Variants in DCHS2 observed in about 807,000 individuals in gnomAD.
DCHS2 encodes the protein protocadherin-23.
Under a neutral mutation model 182.4 loss-of-function variants are expected in DCHS2, and 142 were observed. That is an observed-to-expected ratio of 0.78 (90% CI 0.68 to 0.89). The LOEUF is 0.89. Ranked by LOEUF, DCHS2 falls within the 40% of genes least tolerant of loss-of-function variation. The pLI, the probability that DCHS2 is intolerant of heterozygous loss-of-function variation, is 0.00. For synonymous variants in DCHS2, 1,740 were observed against 1,663.3 expected (o/e 1.05, Z -1.12); for missense variants, 4,319 against 4,198.6 (o/e 1.03, Z -0.79).
intron 3 of DCHS2, among the ~76,000 whole-genome samples, chr4:154,337,942 T>C (rs1342273108): frequency 1.3e-5 from 2 of 152,096 alleles, no homozygotes; most frequent in Admixed American, 1.3e-4. Context: ...GGTTTCACCA[T>C]GTTGGCCAGC....
intron 2 of DCHS2, among the ~76,000 whole-genome samples, chr4:154,368,046 C>T (rs1329516673): frequency 1.3e-5 from 2 of 152,052 alleles, no homozygotes; most frequent in African/African-American, 2.4e-5. Context: ...AGAGCCATGC[C>T]GGGTATCAAT....
At chr4:154,465,860 T>A (rs1176044446) in intron 1 of DCHS2, among the ~76,000 whole-genome samples, 1 of 151,302 alleles carries the variant, frequency 6.6e-6, no homozygotes, top group African/African-American at 2.4e-5. Context: ...AAACACAATA[T>A]CCACATACAA....
rs139997366 is a variant in DCHS2 at position 154,380,318 on chromosome 4, G to A, written c.2053-2874C>T. Among the ~76,000 whole-genome samples, 1,207 of 152,046 alleles carry A rather than the reference G, an allele frequency of 7.9e-3. 17 individuals carry two copies. Among genetic ancestry groups the A allele is most frequent in the African/African-American group, 0.027 (1,137 of 41,462 alleles). On this transcript the variant is annotated intron_variant, in intron 1 of 19. Transcript: ENST00000357232. Reference sequence around the variant, plus strand: ...TTCTCATCACTTCTTCTCATATTGTGATTCTTCTCATCAGTTGGGCTGAAG... The same window carrying A: ...TTCTCATCACTTCTTCTCATATTGTAATTCTTCTCATCAGTTGGGCTGAAG...
chr4:154,250,115 T>A (rs1279577326), intron 16 of DCHS2, among the ~76,000 whole-genome samples: 2 of 152,118 alleles, frequency 1.3e-5, no homozygotes, highest in African/African-American at 4.8e-5. Flanking sequence ...ATCCATGGAT[T>A]TTTGGATGGG....
intron 1 of DCHS2, among the ~76,000 whole-genome samples, chr4:154,423,802 A>T (rs1174943747): frequency 6.6e-6 from 1 of 152,250 alleles, no homozygotes; most frequent in Non-Finnish European, 1.5e-5. Context: ...ATGCATTAAA[A>T]TGCATATAAA....
chr4:154,345,655 T>G (rs1729323777), intron 3 of DCHS2, among the ~76,000 whole-genome samples: 1 of 82,840 alleles, frequency 1.2e-5, no homozygotes, highest in African/African-American at 4.9e-5. Context: ...TTTTCTGTTT[T>G]CCTGTTTTTG....
chr4:154,320,762 AT>A lies in DCHS2; in HGVS notation c.4636del (p.Ile1546TyrfsTer24), dbSNP rs1736028352. 6.2e-7 allele frequency: 1 copy of A among 1,613,976 alleles called. No individual in the cohort carries two copies. Among genetic ancestry groups the A allele is most frequent in the Non-Finnish European group, 8.5e-7 (1 of 1,180,002 alleles). On this transcript the variant is annotated frameshift_variant, in exon 9 of 20. Coordinates refer to ENST00000357232, the MANE Select transcript of DCHS2 (RefSeq NM_001358235.2). LOFTEE classifies it high-confidence loss of function. ...GTTGTGGGATTCAATGTAGTATTGTATTCTACTGTTCAAAAAACTGCCGTCA... is the reference window on the plus strand; with the variant it reads ...GTTGTGGGATTCAATGTAGTATTGTATCTACTGTTCAAAAAACTGCCGTCA... The part of the protein sequence containing the change: ...DDDGSFLNSR[I>X]QYYIESHNPG...
Position 154,332,880 on chromosome 4 carries a change from G to A in DCHS2, c.3328C>T (p.Pro1110Ser), listed in dbSNP as rs755774859. 5 of 1,614,106 alleles carry A rather than the reference G, an allele frequency of 3.1e-6. No individual in the cohort carries two copies. The highest frequency in any genetic ancestry group is 2.2e-5 in the East Asian group (1 of 44,902). ...GAGGCTGCACGCTGGGGGCCAAGTGGGTGCGCCTGTGTTTGCAGCATTTGT... is the reference window on the plus strand; with the variant it reads ...GAGGCTGCACGCTGGGGGCCAAGTGAGTGCGCCTGTGTTTGCAGCATTTGT... ...MTQMLQTQAH[P>S]LGPQRAASPL... Residue 1110 changes from proline (P) to serine (S), a missense_variant, in exon 5 of 20, where the codon CCA becomes TCA. Transcript: ENST00000357232.
intron 12 of DCHS2, among the ~76,000 whole-genome samples, chr4:154,303,319 A>C (rs1428500524): frequency 6.6e-6 from 1 of 151,904 alleles, no homozygotes; most frequent in East Asian, 1.9e-4. Flanking sequence ...TATTCTATCA[A>C]ATACTTTTAA....
At chr4:154,296,988 T>G (rs568388976) in intron 13 of DCHS2, among the ~76,000 whole-genome samples, 2 of 152,176 alleles carry the variant, frequency 1.3e-5, no homozygotes, top group Non-Finnish European at 1.5e-5. Context: ...CCACTAGAAT[T>G]TGGGAATTTG....
At chr4:154,423,023 T>C (rs1252611447) in intron 1 of DCHS2, among the ~76,000 whole-genome samples, 2 of 152,236 alleles carry the variant, frequency 1.3e-5, no homozygotes, top group African/African-American at 2.4e-5. Context: ...TTTTATGATA[T>C]GTGAAATATA....
intron 3 of DCHS2, chr4:154,343,370 T>C (rs1729201441): frequency 8.5e-7 from 1 of 1,183,156 alleles, no homozygotes; most frequent in East Asian, 2.9e-5. Flanking sequence ...AAGCCAGGCA[T>C]TGACTTCTCC....
chr4:154,318,335 G>A (rs1441398693), intron 9 of DCHS2, among the ~76,000 whole-genome samples: 1 of 151,672 alleles, frequency 6.6e-6, no homozygotes, highest in Middle Eastern at 3.2e-3. Flanking sequence ...AGAAAAAAAA[G>A]AAAAAGTTAA....
At chr4:154,409,730 G>A (rs990185) in intron 1 of DCHS2, among the ~76,000 whole-genome samples, 2 of 151,910 alleles carry the variant, frequency 1.3e-5, no homozygotes, top group Non-Finnish European at 1.5e-5. Context: ...TTGCTTAAGG[G>A]TCATGTCAGA....
rs1267785490 is a variant in DCHS2 at position 154,234,726 on chromosome 4, G to A, written c.9926C>T (p.Pro3309Leu). The change falls in exon 20 of 20, where the codon CCA (proline) becomes CTA (leucine). Residue 3309 changes from proline to leucine, a missense_variant. Coordinates refer to ENST00000357232, the MANE Select transcript of DCHS2 (RefSeq NM_001358235.2). Reference protein sequence around the residue: ...VNLGQVPPKHPRSPIPYHLGS... With the variant: ...VNLGQVPPKHLRSPIPYHLGS... ...AAGATGGTAGGGGATGGGAGAGCGT[G>A]GGTGTTTCGGAGGCACCTGCCCCAG... 1 of 1,613,936 alleles carries A rather than the reference G, an allele frequency of 6.2e-7. No individual in the cohort carries two copies. The highest frequency in any genetic ancestry group is 8.5e-7 in the Non-Finnish European group (1 of 1,179,942).
At chr4:154,390,060 A>C (rs1353197969) in intron 1 of DCHS2, among the ~76,000 whole-genome samples, 2 of 151,840 alleles carry the variant, frequency 1.3e-5, no homozygotes, top group African/African-American at 4.8e-5. Flanking sequence ...TATTTCAGTG[A>C]ACTGACCTAG....
intron 1 of DCHS2, among the ~76,000 whole-genome samples, chr4:154,465,930 A>G (rs1735221329): frequency 6.6e-6 from 1 of 152,238 alleles, no homozygotes. Flanking sequence ...TAGAAACAAC[A>G]GATCCATAAA....
chr4:154,436,330 T>A (rs1328071531), intron 1 of DCHS2, among the ~76,000 whole-genome samples: 1 of 152,254 alleles, frequency 6.6e-6, no homozygotes, highest in Non-Finnish European at 1.5e-5. Context: ...TAGCTTATTA[T>A]CTATACTATA....
intron 1 of DCHS2, among the ~76,000 whole-genome samples, chr4:154,396,072 G>A (rs571750966): frequency 6.6e-6 from 1 of 152,288 alleles, no homozygotes; most frequent in Admixed American, 6.5e-5. Context: ...AGAAGAAATT[G>A]AGCATGATCA....
Sources: allele counts gnomAD v4.1 joint callset (sites outside exome capture counted in the v4.1 genomes callset), GRCh38; gene constraint gnomAD v4.1.1; transcripts MANE v1.5; gene names NCBI Gene and HGNC (gene_info 2026-07-23, HGNC 2026-07-21).